Variants in CHD2 observed in about 807,000 individuals in gnomAD.
CHD2 encodes the protein chromodomain helicase DNA binding protein 2, also known as ATP-dependent chromatin remodeler CHD2.
In CHD2, 28 loss-of-function variants were observed where a neutral mutation model predicts 243.9. That is an observed-to-expected ratio of 0.11 (90% CI 0.09 to 0.16). The LOEUF is 0.16. Among genes scored for constraint, CHD2 ranks in the 10% least tolerant of loss-of-function variants. CHD2 has a pLI of 1.00. For synonymous variants in CHD2, 775 were observed against 779.0 expected, an observed-to-expected ratio of 0.99 and a Z score of 0.09; for missense variants, 1,386 against 2,209.8, an observed-to-expected ratio of 0.63 and a Z score of 7.47.
rs139896463 is a variant in CHD2 at position 92,995,386 on chromosome 15, C to T, written c.3596-1571C>T. Among the ~76,000 whole-genome samples the T allele has an allele frequency of 4.7e-3, 722 of 152,196 alleles. 8 individuals carry two copies. Among genetic ancestry groups the T allele is most frequent in the African/African-American group, 0.017 (695 of 41,530 alleles). On this transcript the variant is annotated intron_variant, in intron 28 of 38. Coordinates refer to ENST00000394196, the MANE Select transcript of CHD2 (RefSeq NM_001271.4). The stretch of plus-strand genomic sequence containing the variant: ...AGGTACATTTGGAGCATCTTGTTTT[C>T]GTTTTTTGTTCCCCAGCTGCCTTCT...
In CHD2 at chr15:92,900,790, T is replaced by C. The variant is rs2052518223; in HGVS notation, c.-106T>C. On this transcript the variant is annotated 5_prime_UTR_variant, in exon 1 of 39. Transcript: ENST00000394196. ...GATCTGATATTTTTCTACTAGTAGA[T>C]AGGACTCTTGGTTTGGACATACTAC... is the stretch of plus-strand genomic sequence containing the variant. The C allele has an allele frequency of 1.0e-5, 4 of 395,480 alleles. No individual in the cohort carries two copies. The highest frequency in any genetic ancestry group is 4.4e-5 in the Admixed American group (1 of 22,576). 24.5% of individuals were successfully genotyped at this position (395,480 alleles called of 1,614,324 possible). A position where few individuals can be genotyped will look rare whatever the true frequency, so the allele number is the denominator to read the frequency against.
At chr15:92,937,304 T>G (rs1052139847) in intron 5 of CHD2, among the ~76,000 whole-genome samples, 5 of 152,252 alleles carry the variant, frequency 3.3e-5, no homozygotes, top group Non-Finnish European at 7.3e-5. Flanking sequence ...CCATTTTTAT[T>G]TATTTTTGTT....
At chr15:92,969,867 A>G (rs893806471) in intron 17 of CHD2, among the ~76,000 whole-genome samples, 2 of 140,292 alleles carry the variant, frequency 1.4e-5, no homozygotes, top group Non-Finnish European at 3.1e-5. Flanking sequence ...GCTGGAGTGT[A>G]GTGGCACGAT....
At chr15:92,989,862 T>TGTC (rs1430806484) in intron 26 of CHD2, among the ~76,000 whole-genome samples, 1 of 152,064 alleles carries the variant, frequency 6.6e-6, no homozygotes, top group Non-Finnish European at 1.5e-5. Flanking sequence ...GCGCAGAGGG[T>TGTC]GTCCCAGGAG....
chr15:93,002,391 A>G, intron 33 of CHD2, 74 bp downstream of exon 33: 1 of 1,551,700 alleles, frequency 6.4e-7, no homozygotes, highest in East Asian at 2.4e-5. Context: ...AAGTAGAATG[A>G]GATTTGAGGG....
Position 92,924,432 on chromosome 15 carries a change from A to G in CHD2, c.174A>G (p.Glu58=), listed in dbSNP as rs1168929886. The change falls in exon 3 of 39, where the codon GAA becomes GAG. Residue 58 remains glutamate, a synonymous_variant. Transcript: ENST00000394196. The part of the protein sequence containing the change: ...GHGSESNSSS[E]SSESQSESES... ...GCAGCGAGTCGAACAGCAGCTCTGA[A>G]TCTTCTGAGAGTCAGTCGGAATCTG... The G allele has an allele frequency of 3.7e-6, 6 of 1,614,058 alleles. No individual in the cohort carries two copies. The highest frequency in any genetic ancestry group is 3.3e-5 in the Admixed American group (2 of 60,006).
chr15:92,944,124 C>T (rs927741216), intron 9 of CHD2: 3 of 184,996 alleles, frequency 1.6e-5, no homozygotes, highest in African/African-American at 7.0e-5. Context: ...CCACATGAAT[C>T]TATCACATAA....
chr15:93,004,563 C>T (rs1042545464), intron 33 of CHD2, 54 bp from the exon 34 acceptor site: 79 of 1,503,906 alleles, frequency 5.3e-5, no homozygotes, highest in Non-Finnish European at 6.5e-5. Context: ...AAACCTAAAT[C>T]GCACGGTAGG....
intron 28 of CHD2, among the ~76,000 whole-genome samples, chr15:92,993,680 C>G (rs11630052): frequency 0.24 from 35,853 of 152,150 alleles, 4,543 homozygotes; most frequent in Middle Eastern, 0.32. Flanking sequence ...CAGTGGCTCA[C>G]GCCTGTAATC....
intron 2 of CHD2, among the ~76,000 whole-genome samples, chr15:92,912,326 C>G (rs1369138322): frequency 1.3e-5 from 2 of 152,034 alleles, no homozygotes; most frequent in Non-Finnish European, 2.9e-5. Context: ...TTGTGTTTAT[C>G]TGCCGTCTCG....
chr15:92,904,689 A>C, intron 2 of CHD2: 2 of 1,360,288 alleles, frequency 1.5e-6, no homozygotes, highest in Non-Finnish European at 9.4e-7. Flanking sequence ...ACTATTTATA[A>C]ATTTTAAAGG....
chr15:92,926,967 C>T (rs1205089113), intron 3 of CHD2, among the ~76,000 whole-genome samples: 1 of 123,102 alleles, frequency 8.1e-6, no homozygotes, highest in Non-Finnish European at 1.7e-5. Flanking sequence ...CGCTGTCTTA[C>T]CTTTCTGTAT....
At chr15:92,947,431 A>T (rs2053487910) in intron 12 of CHD2, 1 of 152,234 alleles carries the variant, frequency 6.6e-6, no homozygotes, top group African/African-American at 2.4e-5. Context: ...CCCAGGGGTG[A>T]GGAGAAGAGG....
chr15:92,930,553 C>T (rs1051251883), intron 5 of CHD2, among the ~76,000 whole-genome samples: 2 of 152,020 alleles, frequency 1.3e-5, no homozygotes, highest in African/African-American at 2.4e-5. Context: ...CTAAGCCACT[C>T]GAGTAGCTGG....
intron 14 of CHD2, 42 bp from the exon 15 acceptor site, chr15:92,955,377 AAGGT>A (rs2053606064): frequency 1.7e-6 from 2 of 1,184,884 alleles, no homozygotes. Flanking sequence ...GTGATATAGA[AAGGT>A]AGAAGTAGAA....
At position 93,020,160 on chromosome 15, in the gene CHD2, T is replaced by C. The variant is rs1394937175; in HGVS notation, c.5055T>C (p.Arg1685=). ...ACCGGCGACATATGGATGCCCACCGTTCCGGAAGCTATCGACCCAACAACA... is the reference window on the plus strand; with the variant it reads ...ACCGGCGACATATGGATGCCCACCGCTCCGGAAGCTATCGACCCAACAACA... ...YGDRRHMDAH[R]SGSYRPNNMS... Residue 1685 remains arginine, a synonymous_variant, in exon 38 of 39, where the codon CGT becomes CGC. Transcript: ENST00000394196. The C allele has an allele frequency of 6.2e-7, 1 of 1,613,862 alleles. No homozygotes were observed. The highest frequency in any genetic ancestry group is 8.5e-7 in the Non-Finnish European group (1 of 1,179,994).
chr15:92,985,637 A>C lies in CHD2; in HGVS notation c.3377A>C (p.Asp1126Ala). ...RRGRPRSVRK[D>A]LVEGFTDAEI... ...GGGCGTCCGAGGAGTGTGCGGAAGG[A>C]CCTCGTGGAGGGATTTACTGATGCA... Residue 1126 changes from aspartate to alanine, a missense_variant, in exon 26 of 39, where the codon GAC becomes GCC. By Grantham distance (126) the Asp-to-Ala change is moderately radical (BLOSUM62 -2). Around this residue, in one of 19 missense-constraint regions of CHD2, gnomAD observed 18 missense variants for 20.6 expected, o/e 0.88. Coordinates refer to ENST00000394196, the MANE Select transcript of CHD2 (RefSeq NM_001271.4). 1 of 1,613,232 alleles carries C rather than the reference A, an allele frequency of 6.2e-7. No homozygotes were observed. Among genetic ancestry groups the C allele is most frequent in the Non-Finnish European group, 8.5e-7 (1 of 1,179,888 alleles).
intron 2 of CHD2, chr15:92,904,712 A>G: frequency 1.4e-6 from 2 of 1,394,088 alleles, no homozygotes; most frequent in Admixed American, 6.3e-5. Flanking sequence ...CTATTTGGAA[A>G]TCTTAAAATA....
chr15:92,903,650 C>T (rs181224128), intron 2 of CHD2, among the ~76,000 whole-genome samples: 10 of 152,266 alleles, frequency 6.6e-5, no homozygotes, highest in Admixed American at 2.0e-4. Context: ...TAATGATGGA[C>T]ATACGAGAAG....
Sources: allele counts gnomAD v4.1 joint callset (sites outside exome capture counted in the v4.1 genomes callset), GRCh38; gene constraint gnomAD v4.1.1; regional missense constraint gnomAD v4.1.1; transcripts MANE v1.5; gene names NCBI Gene and HGNC (gene_info 2026-07-23, HGNC 2026-07-21).